Variants in AP1M1 observed in about 807,000 individuals in gnomAD.
AP1M1 encodes adaptor related protein complex 1 subunit mu 1.
In AP1M1, 18 loss-of-function variants were observed where a neutral mutation model predicts 57.1. That is an observed-to-expected ratio of 0.32 (90% confidence interval 0.22 to 0.47). The LOEUF (loss-of-function observed/expected upper bound fraction) is 0.47. Among genes scored for constraint, AP1M1 ranks in the 20% least tolerant of loss-of-function variants. AP1M1 has a pLI of 1.00. For synonymous variants in AP1M1, 241 were observed against 237.9 expected, an observed-to-expected ratio of 1.01 and a Z score of -0.12; for missense variants, 362 against 593.5, an observed-to-expected ratio of 0.61 and a Z score of 4.05.
At position 16,209,016 on chromosome 19, in the gene AP1M1, G is replaced by C. The variant is rs201575263; in HGVS notation, c.399-14G>C. ...GGGTACCACCTCCTTCACTCTGAGC[G>C]TGTGGCCCCACAGGTACATCACTCA... On this transcript the variant is annotated splice_polypyrimidine_tract_variant and intron_variant, in intron 4 of 11. Transcript: ENST00000291439. The C allele has an allele frequency of 1.2e-6, 2 of 1,611,356 alleles. No individual in the cohort carries two copies. The highest frequency in any genetic ancestry group is 1.1e-5 in the South Asian group (1 of 90,950).
chr19:16,206,374 C>G lies in AP1M1; in HGVS notation c.233C>G (p.Ser78Trp). 1.2e-6 allele frequency: 2 copies of G among 1,614,032 alleles called. No individual in the cohort carries two copies. Among genetic ancestry groups the G allele is most frequent in the Non-Finnish European group, 1.7e-6 (2 of 1,180,004 alleles). ...ACATCCAAGAAGAACGCGTGCGTGT[C>G]GCTGGTCTTTTCTTTCCTCTATAAG... ...VATSKKNACVSLVFSFLYKVV... is the reference protein window; with the variant it reads ...VATSKKNACVWLVFSFLYKVV... Residue 78 changes from serine (S) to tryptophan (W), a missense_variant, in exon 3 of 12, where the codon TCG (serine) becomes TGG (tryptophan). Physicochemically the swap from Ser to Trp is radical, Grantham distance 177. This residue lies in a region of AP1M1 where 337 missense variants were observed against 511.1 expected (regional missense o/e 0.66). Transcript: ENST00000291439. The surrounding 1 kb of genome is among the most constrained non-coding windows in gnomAD (Gnocchi z 4.3).
At position 16,227,621 on chromosome 19, in the gene AP1M1, T is replaced by C; in HGVS notation, c.747T>C (p.Asn249=). 1.9e-6 allele frequency: 3 copies of C among 1,614,058 alleles called. No homozygotes were observed. The highest frequency in any genetic ancestry group is 3.3e-5 in the Admixed American group (2 of 60,026). ...GTGTGCGGCTATCACGCTTCGAGAA[T>C]GACCGCACCATCTCCTTCATCCCAC... ...HQCVRLSRFE[N]DRTISFIPPD... The change falls in exon 7 of 12, where the codon AAT becomes AAC. Residue 249 remains asparagine (N), a synonymous_variant. Transcript: ENST00000291439. This position sits in a 1 kb window ranked among gnomAD's most constrained non-coding sequence, Gnocchi z 6.2.
chr19:16,227,819 G>A lies in AP1M1; in HGVS notation c.816+129G>A. The A allele has an allele frequency of 8.0e-7, 1 of 1,243,108 alleles. No individual in the cohort carries two copies. Among genetic ancestry groups the A allele is most frequent in the Non-Finnish European group, 1.1e-6 (1 of 885,144 alleles). The allele number at this position is 1,243,108 out of a possible 1,614,324, so 77.0% of individuals were successfully genotyped here. A position where few individuals can be genotyped will look rare whatever the true frequency, so the allele number is the denominator to read the frequency against. ...TCCATGAGCTGCCTGGCTCTGCAGA[G>A]ATGGAGTCTGAGGACTTGGGACTCC... On this transcript the variant is annotated intron_variant, in intron 7 of 11. Coordinates refer to ENST00000291439, the MANE Select transcript of AP1M1 (RefSeq NM_032493.4). This position sits in a 1 kb window ranked among gnomAD's most constrained non-coding sequence, Gnocchi z 6.2.
chr19:16,221,057 A>G (rs1016214335), intron 5 of AP1M1, among the ~76,000 whole-genome samples: 9 of 152,204 alleles, frequency 5.9e-5, no homozygotes, highest in African/African-American at 2.2e-4. Context: ...TTGGATCTGT[A>G]AGTTTATGTC....
At chr19:16,208,315 A>G (rs907542276) in intron 4 of AP1M1, 166 bp downstream of exon 4, 1 of 692,092 alleles carries the variant, frequency 1.4e-6, no homozygotes, top group Non-Finnish European at 2.3e-6. Context: ...TAGTGGTTTT[A>G]ATTCGTTTCC....
rs922873658 is a variant in AP1M1 at position 16,207,174 on chromosome 19, G to C, written c.267+766G>C. 6.6e-6 allele frequency among the ~76,000 whole-genome samples: 1 copy of C among 152,126 alleles called. No homozygotes were observed. Among genetic ancestry groups the C allele is most frequent in the Non-Finnish European group, 1.5e-5 (1 of 68,010 alleles). On this transcript the variant is annotated intron_variant, in intron 3 of 11. Transcript: ENST00000291439. The surrounding 1 kb of genome is among the most constrained non-coding windows in gnomAD (Gnocchi z 4.2). ...GTGGGCTGTGGGGCTCACGAAAGTG[G>C]GGAACAGGACCCAGGAGGCCTGTGC...
chr19:16,203,557 G>T lies in AP1M1; in HGVS notation c.141G>T (p.Ser47=), dbSNP rs146062531. ...LMEKEEEGML[S]PILAHGGVRF... is the part of the protein sequence containing the mutation. ...AGAAGGAGGAGGAGGGGATGCTGTC[G>T]CCCATCCTGGCCCACGGGGGGGTCC... The change falls in exon 2 of 12, where the codon TCG becomes TCT. Residue 47 remains serine, a synonymous_variant. Coordinates refer to ENST00000291439, the MANE Select transcript of AP1M1 (RefSeq NM_032493.4). The surrounding 1 kb of genome is among the most constrained non-coding windows in gnomAD (Gnocchi z 4.6). The T allele has an allele frequency of 1.2e-6, 2 of 1,614,072 alleles. No homozygotes were observed. Among genetic ancestry groups the T allele is most frequent in the Non-Finnish European group, 1.7e-6 (2 of 1,179,956 alleles).
intron 5 of AP1M1, among the ~76,000 whole-genome samples, chr19:16,222,575 T>G (rs2091550874): frequency 6.9e-6 from 1 of 145,856 alleles, no homozygotes; most frequent in African/African-American, 2.5e-5. Context: ...TTTTAAAAAT[T>G]TTCCATTTGA....
At chr19:16,208,934 T>C (rs1179584219) in intron 4 of AP1M1, 96 bp from the exon 5 acceptor site, 8 of 1,478,660 alleles carry the variant, frequency 5.4e-6, no homozygotes, top group Non-Finnish European at 7.3e-6. Flanking sequence ...GAACCTGCCC[T>C]GTACCCCCCA....
At chr19:16,222,772 T>C (rs960722150) in intron 5 of AP1M1, among the ~76,000 whole-genome samples, 6 of 152,046 alleles carry the variant, frequency 3.9e-5, no homozygotes, top group Admixed American at 1.3e-4. Flanking sequence ...CATGCCTGGC[T>C]AATTTTTTTT....
rs2091662417 is a variant in AP1M1 at position 16,245,713 on chromosome 19, C to T, written c.*11278C>T. 6.6e-6 allele frequency: 1 copy of T among 152,098 alleles called. No individual in the cohort carries two copies. The allele number at this position is 152,098 out of a possible 1,614,324, so 9.4% of individuals were successfully genotyped here. On this transcript the variant is annotated 3_prime_UTR_variant, in exon 12 of 12. Transcript: ENST00000291439. The stretch of plus-strand genomic sequence containing the variant: ...ACATTTAATGTAATAACTGATATTA[C>T]ATTTAAGTATAAATTTAAATCTACC...
chr19:16,198,041 C>G lies in AP1M1; in HGVS notation c.15C>G (p.Ala5=). 6.2e-7 allele frequency: 1 copy of G among 1,602,436 alleles called. No individual in the cohort carries two copies. The highest frequency in any genetic ancestry group is 8.5e-7 in the Non-Finnish European group (1 of 1,177,262). Residue 5 remains alanine (A), a synonymous_variant, in exon 1 of 12, where the codon GCC becomes GCG. Coordinates refer to ENST00000291439, the MANE Select transcript of AP1M1 (RefSeq NM_032493.4). MSAS[A]VYVLDLKGKV... is the part of the protein sequence containing the mutation. ...CTGCAGCCATCATGTCCGCCAGCGC[C>G]GTCTACGTGCTGGACCTGAAGGGCA...
Position 16,234,620 on chromosome 19 carries a change from T to G in AP1M1, c.*185T>G. 1.5e-6 allele frequency: 1 copy of G among 676,094 alleles called. No homozygotes were observed. The highest frequency in any genetic ancestry group is 2.7e-5 in the East Asian group (1 of 36,580). The allele number at this position is 676,094 out of a possible 1,614,324, so 41.9% of individuals were successfully genotyped here. ...CGTCGACACTCGTCTCAGAAGCCCCTTTCCCAGAAGAGGCTGGTCTTCAAG... is the reference window on the plus strand; with the variant it reads ...CGTCGACACTCGTCTCAGAAGCCCCGTTCCCAGAAGAGGCTGGTCTTCAAG... On this transcript the variant is annotated 3_prime_UTR_variant, in exon 12 of 12. Transcript: ENST00000291439.
In AP1M1 at chr19:16,209,194, T is replaced by C; in HGVS notation, c.546+17T>C. On this transcript the variant is annotated intron_variant, in intron 5 of 11. Transcript: ENST00000291439. ...AACCTCTTGGTAGGCCTCTTTTCTT[T>C]CCTTCTTCTGTAGGGTTTTATCTCT... 1 of 1,613,006 alleles carries C rather than the reference T, an allele frequency of 6.2e-7. No homozygotes were observed. Among genetic ancestry groups the C allele is most frequent in the Non-Finnish European group, 8.5e-7 (1 of 1,179,508 alleles).
In AP1M1 at chr19:16,206,366, G is replaced by T. The variant is rs557270397; in HGVS notation, c.225G>T (p.Ala75=). 10 of 1,614,058 alleles carry T rather than the reference G, an allele frequency of 6.2e-6. No homozygotes were observed. The African/African-American group carries it at 6.7e-5, about 11-fold the overall frequency. The change falls in exon 3 of 12, where the codon GCG becomes GCT. Residue 75 remains alanine (A), a synonymous_variant. Coordinates refer to ENST00000291439, the MANE Select transcript of AP1M1 (RefSeq NM_032493.4). This position sits in a 1 kb window ranked among gnomAD's most constrained non-coding sequence, Gnocchi z 4.3. ...LYLVATSKKN[A]CVSLVFSFLY... ...TGGTTGCCACATCCAAGAAGAACGC[G>T]TGCGTGTCGCTGGTCTTTTCTTTCC...
chr19:16,244,812 G>A lies in AP1M1; in HGVS notation c.*10377G>A, dbSNP rs2091657214. The A allele has an allele frequency of 6.6e-6, 1 of 151,460 alleles. No homozygotes were observed. Among genetic ancestry groups the A allele is most frequent in the South Asian group, 2.1e-4 (1 of 4,804 alleles). The allele number at this position is 151,460 out of a possible 1,614,324, so 9.4% of individuals were successfully genotyped here. A position where few individuals can be genotyped will look rare whatever the true frequency, so the allele number is the denominator to read the frequency against. ...GCCACTGCAGTCCGCAGTCCGGCCT[G>A]GGCGACAGAGCGAGACTCCGTCTCA... On this transcript the variant is annotated 3_prime_UTR_variant, in exon 12 of 12. Transcript: ENST00000291439.
chr19:16,218,815 C>T (rs2091529828), intron 5 of AP1M1, among the ~76,000 whole-genome samples: 1 of 152,166 alleles, frequency 6.6e-6, no homozygotes, highest in South Asian at 2.1e-4. Context: ...ACACACCACC[C>T]TCCAGGAACC....
intron 9 of AP1M1, among the ~76,000 whole-genome samples, chr19:16,229,727 A>G (rs970707757): frequency 6.6e-6 from 1 of 152,228 alleles, no homozygotes; most frequent in African/African-American, 2.4e-5. Context: ...CAGAAAGTAG[A>G]GGAAGGAGAG....
At position 16,227,741 on chromosome 19, in the gene AP1M1, C is replaced by G; in HGVS notation, c.816+51C>G. ...CTGTCGGCAGACTCCTCCTCCCCTTCACCTCCAGGAGGTGAAGCCCAGGCA... is the reference window on the plus strand; with the variant it reads ...CTGTCGGCAGACTCCTCCTCCCCTTGACCTCCAGGAGGTGAAGCCCAGGCA... On this transcript the variant is annotated intron_variant, in intron 7 of 11. Coordinates refer to ENST00000291439, the MANE Select transcript of AP1M1 (RefSeq NM_032493.4). This position sits in a 1 kb window ranked among gnomAD's most constrained non-coding sequence, Gnocchi z 6.2. 3 of 1,593,440 alleles carry G rather than the reference C, an allele frequency of 1.9e-6. No homozygotes were observed. Among genetic ancestry groups the G allele is most frequent in the South Asian group, 1.1e-5 (1 of 90,156 alleles).
Sources: gnomAD v4.1 joint callset for allele counts (sites outside exome capture counted in the v4.1 genomes callset) on GRCh38, gnomAD v4.1.1 for gene constraint, gnomAD v4.1.1 regional missense constraint, Gnocchi (gnomAD v3.1) non-coding constraint, MANE v1.5 for transcripts, NCBI Gene and HGNC (gene_info 2026-07-23, HGNC 2026-07-21) for gene names.